AZIN2: variants seen among roughly 807,000 people sequenced by gnomAD.
AZIN2 encodes ODC antizyme inhibitor-2.
Under a neutral mutation model 47.8 loss-of-function variants are expected in AZIN2, and 28 were observed. That is an observed-to-expected ratio of 0.59 (90% confidence interval 0.43 to 0.80). AZIN2 has a LOEUF of 0.80. Among genes scored for constraint, AZIN2 ranks in the 30% least tolerant of loss-of-function variants. AZIN2 has a pLI of 0.00. For synonymous variants in AZIN2, 221 were observed against 239.4 expected (o/e 0.92, Z 0.71); for missense variants, 535 against 582.5 (o/e 0.92, Z 0.84).
At chr1:33,086,427 G>A (rs544527932) in intron 5 of AZIN2, among the ~76,000 whole-genome samples, 6 of 152,284 alleles carry the variant, frequency 3.9e-5, no homozygotes, top group South Asian at 2.1e-4. Flanking sequence ...CTGCAGGGGC[G>A]AGGAGAGACT....
Position 33,118,062 on chromosome 1 carries a change from C to A in AZIN2, c.1190C>A (p.Pro397His). Reference sequence around the variant, plus strand: ...GCCTACACTGTGGGCATGGGTTCCCCCTTTTGGGGGACCCAGGCCTGCCAC... The same window carrying A: ...GCCTACACTGTGGGCATGGGTTCCCACTTTTGGGGGACCCAGGCCTGCCAC... ...MGAYTVGMGS[P>H]FWGTQACHIT... The change falls in exon 11 of 12, where the codon CCC becomes CAC. Residue 397 changes from proline (P) to histidine (H), a missense_variant. Physicochemically the swap from Pro to His is moderately conservative, Grantham distance 77 (BLOSUM62 -2). Around this residue, in one of 3 missense-constraint regions of AZIN2, gnomAD observed 122 missense variants for 135.8 expected, o/e 0.90. Coordinates refer to ENST00000294517, the MANE Select transcript of AZIN2 (RefSeq NM_052998.4). The A allele has an allele frequency of 1.3e-6, 2 of 1,527,396 alleles. No individual in the cohort carries two copies. Among genetic ancestry groups the A allele is most frequent in the Non-Finnish European group, 1.8e-6 (2 of 1,141,546 alleles). 94.6% of individuals were successfully genotyped at this position (1,527,396 alleles called of 1,614,324 possible).
chr1:33,165,392 T>C, the AZIN2 span: 14 of 1,142,150 alleles, frequency 1.2e-5, no homozygotes, highest in Middle Eastern at 3.0e-4. This position sits in a 1 kb window ranked among gnomAD's most constrained non-coding sequence, Gnocchi z 4.0. Flanking sequence ...GCCCCGCCCC[T>C]CTTCCCCAGC....
chr1:33,085,148 T>G (rs1339944814), intron 5 of AZIN2, among the ~76,000 whole-genome samples: 1 of 151,184 alleles, frequency 6.6e-6, no homozygotes, highest in African/African-American at 2.4e-5. Context: ...GCATCTCTTC[T>G]GAGGCCAAGC....
chr1:33,146,531 G>A, the AZIN2 span: 1 of 158,218 alleles, frequency 6.3e-6, no homozygotes, highest in Non-Finnish European at 1.4e-5. Flanking sequence ...GGAAGGTGGT[G>A]GCACATGACT....
the AZIN2 span, among the ~76,000 whole-genome samples, chr1:33,148,944 G>C: frequency 6.6e-6 from 1 of 152,142 alleles, no homozygotes; most frequent in Non-Finnish European, 1.5e-5. Flanking sequence ...TCTAGCGCCA[G>C]TCCTTTCTCC....
rs564399324 is a variant in AZIN2 at position 33,081,688 on chromosome 1, T to C, written c.-197T>C. ...GGATCAGTCCAGCCCCCATTTACAA[T>C]TGGGGAAACTGCGGCTCCGAAAGGG... On this transcript the variant is annotated 5_prime_UTR_variant, in exon 3 of 12. Transcript: ENST00000294517. The surrounding 1 kb of genome is among the most constrained non-coding windows in gnomAD (Gnocchi z 4.2). 5.8e-5 allele frequency: 10 copies of C among 173,780 alleles called. No homozygotes were observed. Among genetic ancestry groups the C allele is most frequent in the Non-Finnish European group, 1.0e-4 (8 of 79,774 alleles). The allele number at this position is 173,780 out of a possible 1,614,324, so 10.8% of individuals were successfully genotyped here. A position where few individuals can be genotyped will look rare whatever the true frequency, so the allele number is the denominator to read the frequency against.
the AZIN2 span, among the ~76,000 whole-genome samples, chr1:33,129,555 T>A: frequency 1.1e-4 from 17 of 152,174 alleles, no homozygotes; most frequent in African/African-American, 4.1e-4. The surrounding 1 kb of genome is among the most constrained non-coding windows in gnomAD (Gnocchi z 4.1). Flanking sequence ...TGCACTCAGC[T>A]CCCCTCATAA....
At chr1:33,092,946 C>G (rs962140121) in intron 6 of AZIN2, among the ~76,000 whole-genome samples, 2 of 152,176 alleles carry the variant, frequency 1.3e-5, no homozygotes, top group Admixed American at 1.3e-4. Flanking sequence ...AATGGGTTCT[C>G]CTTAAGGCTT....
chr1:33,085,326 G>C (rs1479249366), intron 5 of AZIN2, among the ~76,000 whole-genome samples: 3 of 152,134 alleles, frequency 2.0e-5, no homozygotes, highest in African/African-American at 7.2e-5. Flanking sequence ...AAGGAATGTT[G>C]GGAGAGAGGA....
At chr1:33,138,585 CTG>C in the AZIN2 span, among the ~76,000 whole-genome samples, 1 of 144,610 alleles carries the variant, frequency 6.9e-6, no homozygotes, top group Non-Finnish European at 1.5e-5. Flanking sequence ...GCATTCCAGT[CTG>C]GGTGACAGAG....
the AZIN2 span, among the ~76,000 whole-genome samples, chr1:33,136,267 CTCTT>C: frequency 6.7e-5 from 10 of 149,350 alleles, no homozygotes; most frequent in South Asian, 4.2e-4. Context: ...TTTTCTTTCT[CTCTT>C]TCTTTCTCTC....
At chr1:33,137,328 A>C in the AZIN2 span, among the ~76,000 whole-genome samples, 1 of 152,170 alleles carries the variant, frequency 6.6e-6, no homozygotes, top group Non-Finnish European at 1.5e-5. Context: ...ATCAGTAAAA[A>C]GAGGATAAAA....
the AZIN2 span, chr1:33,147,041 T>A: frequency 1.2e-6 from 1 of 860,580 alleles, no homozygotes; most frequent in South Asian, 1.7e-5. The surrounding 1 kb of genome is among the most constrained non-coding windows in gnomAD (Gnocchi z 8.1). Flanking sequence ...TTTTACAGAC[T>A]GGAGGCTGGA....
downstream of AZIN2, among the ~76,000 whole-genome samples, chr1:33,123,681 G>C (rs1039085032): frequency 1.3e-5 from 2 of 151,732 alleles, no homozygotes; most frequent in Non-Finnish European, 2.9e-5. Flanking sequence ...TGGCCAACAT[G>C]GTGAAACTCC....
At chr1:33,159,522 T>C in the AZIN2 span, among the ~76,000 whole-genome samples, 1 of 152,156 alleles carries the variant, frequency 6.6e-6, no homozygotes, top group African/African-American at 2.4e-5. This position sits in a 1 kb window ranked among gnomAD's most constrained non-coding sequence, Gnocchi z 4.2. Context: ...GGCTTCATAC[T>C]CAAGGCTTCA....
At chr1:33,157,680 G>A in the AZIN2 span, among the ~76,000 whole-genome samples, 1 of 152,010 alleles carries the variant, frequency 6.6e-6, no homozygotes, top group Non-Finnish European at 1.5e-5. Flanking sequence ...TATAGAAGGA[G>A]TCTATGAAGT....
chr1:33,100,545 G>A (rs1470834970), intron 10 of AZIN2, among the ~76,000 whole-genome samples: 1 of 151,514 alleles, frequency 6.6e-6, no homozygotes, highest in East Asian at 1.9e-4. Context: ...TGGAAGTACA[G>A]TCCTGTTGGA....
the AZIN2 span, chr1:33,146,844 T>C: frequency 6.8e-5 from 25 of 369,492 alleles, no homozygotes; most frequent in East Asian, 1.4e-3. Context: ...AGGTCAGGGC[T>C]GGGCTGGAGG....
In AZIN2 at chr1:33,120,251, T is replaced by C. The variant is rs1644762090; in HGVS notation, c.*69T>C. 5 of 1,537,362 alleles carry C rather than the reference T, an allele frequency of 3.3e-6. No individual in the cohort carries two copies. The East Asian group carries it at 9.1e-5, about 28-fold the overall frequency. On this transcript the variant is annotated 3_prime_UTR_variant, in exon 12 of 12. Transcript: ENST00000294517. ...ATGCATCTGGGAGAGGTGGGGAAGA[T>C]GGCAGGCAAGGGTACCCTTGGCCAG...
Sources: allele counts gnomAD v4.1 joint callset (sites outside exome capture counted in the v4.1 genomes callset), GRCh38; gene constraint gnomAD v4.1.1; regional missense constraint gnomAD v4.1.1; non-coding constraint Gnocchi (gnomAD v3.1); transcripts MANE v1.5; gene names NCBI Gene and HGNC (gene_info 2026-07-23, HGNC 2026-07-21).